Variants in GPR137C observed in about 807,000 individuals in gnomAD.
The protein encoded by GPR137C is integral membrane protein GPR137C.
A neutral mutation model predicts 43.4 loss-of-function variants in GPR137C; 27 were observed. The observed-to-expected ratio is 0.62, with a 90% CI of 0.46 to 0.86. The LOEUF is 0.86. Among genes scored for constraint, GPR137C ranks in the 40% least tolerant of loss-of-function variants. GPR137C has a pLI of 0.00. For synonymous variants in GPR137C, 285 were observed against 226.9 expected, an observed-to-expected ratio of 1.26 and a Z score of -2.30; for missense variants, 522 against 534.6, an observed-to-expected ratio of 0.98 and a Z score of 0.23.
chr14:52,556,996 T>G (rs1209122590), intron 1 of GPR137C, among the ~76,000 whole-genome samples: 1 of 152,164 alleles, frequency 6.6e-6, no homozygotes, highest in Non-Finnish European at 1.5e-5. Context: ...CTCTTACATT[T>G]ATGGATGCTA....
chr14:52,627,701 G>C (rs1026175028), intron 3 of GPR137C, among the ~76,000 whole-genome samples: 2 of 152,034 alleles, frequency 1.3e-5, no homozygotes, highest in Middle Eastern at 3.4e-3. Context: ...AAAATTAGCT[G>C]GTCATGGTGG....
chr14:52,620,608 C>G (rs1594806027), intron 3 of GPR137C, among the ~76,000 whole-genome samples: 1 of 150,698 alleles, frequency 6.6e-6, no homozygotes, highest in Admixed American at 6.6e-5. Flanking sequence ...AAGACAACCC[C>G]ACCACCACCA....
At chr14:52,575,553 G>A (rs2038538042) in intron 1 of GPR137C, among the ~76,000 whole-genome samples, 3 of 152,186 alleles carry the variant, frequency 2.0e-5, no homozygotes, top group South Asian at 4.2e-4. Flanking sequence ...ATTTTCTTGG[G>A]CATGTTAATT....
In GPR137C at chr14:52,598,266, T is replaced by G; in HGVS notation, c.445-6T>G. 1 of 1,300,202 alleles carries G rather than the reference T, an allele frequency of 7.7e-7. No homozygotes were observed. Among genetic ancestry groups the G allele is most frequent in the Non-Finnish European group, 1.1e-6 (1 of 944,838 alleles). 80.5% of individuals were successfully genotyped at this position (1,300,202 alleles called of 1,614,324 possible). The stretch of plus-strand genomic sequence containing the variant: ...TCAAAATTTTTTTTTTATATTCTCT[T>G]TATAGGTTATATGTAAAGTCAGATG... On this transcript the variant is annotated splice_region_variant and splice_polypyrimidine_tract_variant and intron_variant, in intron 1 of 6. Coordinates refer to ENST00000321662, the MANE Select transcript of GPR137C (RefSeq NM_001099652.2).
intron 1 of GPR137C, 89 bp from the exon 2 acceptor site, chr14:52,598,183 T>C: frequency 2.0e-6 from 1 of 505,010 alleles, no homozygotes. Context: ...TTATTTATAG[T>C]GGTAGCACTT....
chr14:52,628,440 G>T (rs1446406322), intron 3 of GPR137C, among the ~76,000 whole-genome samples: 55 of 152,122 alleles, frequency 3.6e-4, no homozygotes, highest in Non-Finnish European at 5.9e-5. Flanking sequence ...ATTTCTTAGA[G>T]GGGCAATAAA....
At chr14:52,577,516 G>GCGCGCACACACA (rs369713179) in intron 1 of GPR137C, among the ~76,000 whole-genome samples, 9 of 145,408 alleles carry the variant, frequency 6.2e-5, no homozygotes, top group South Asian at 4.4e-4. Flanking sequence ...GCGCGCGCGC[G>GCGCGCACACACA]CACACACACA....
chr14:52,620,846 G>T (rs541385148), intron 3 of GPR137C, among the ~76,000 whole-genome samples: 15 of 152,010 alleles, frequency 9.9e-5, no homozygotes, highest in African/African-American at 3.6e-4. Flanking sequence ...TTCACTTAAA[G>T]ATAAATCAAT....
At chr14:52,610,706 G>T (rs1257213393) in intron 3 of GPR137C, among the ~76,000 whole-genome samples, 1 of 152,166 alleles carries the variant, frequency 6.6e-6, no homozygotes, top group Non-Finnish European at 1.5e-5. Flanking sequence ...GTAAATATTT[G>T]TTGAATAAAT....
intron 1 of GPR137C, among the ~76,000 whole-genome samples, chr14:52,579,517 A>T (rs186297068): frequency 2.0e-5 from 3 of 152,288 alleles, no homozygotes; most frequent in Admixed American, 6.5e-5. Context: ...TCTCACTACT[A>T]GCTTGGGATT....
intron 3 of GPR137C, among the ~76,000 whole-genome samples, chr14:52,617,066 C>T (rs1397269311): frequency 6.6e-6 from 1 of 152,132 alleles, no homozygotes; most frequent in East Asian, 1.9e-4. Context: ...TCCTTCTTTC[C>T]TCTGGCTGCT....
chr14:52,569,903 C>T (rs372020107), intron 1 of GPR137C, among the ~76,000 whole-genome samples: 10 of 151,924 alleles, frequency 6.6e-5, no homozygotes, highest in African/African-American at 2.4e-4. Flanking sequence ...GGATATTATC[C>T]TGAAGTGGGA....
chr14:52,616,271 A>G (rs2039097741), intron 3 of GPR137C, among the ~76,000 whole-genome samples: 1 of 151,642 alleles, frequency 6.6e-6, no homozygotes. Flanking sequence ...AAATTCACAC[A>G]TATGTTCTCT....
chr14:52,632,552 C>T (rs2039307614), intron 4 of GPR137C, among the ~76,000 whole-genome samples: 1 of 151,890 alleles, frequency 6.6e-6, no homozygotes, highest in Non-Finnish European at 1.5e-5. Flanking sequence ...AATAATAGTG[C>T]CACAAGCCTC....
At chr14:52,598,236 C>G (rs780446453) in intron 1 of GPR137C, 36 bp from the exon 2 acceptor site, 6 of 831,400 alleles carry the variant, frequency 7.2e-6, no homozygotes, top group Non-Finnish European at 1.1e-5. Context: ...CTATATTACA[C>G]GTTTTCAAAA....
intron 1 of GPR137C, among the ~76,000 whole-genome samples, chr14:52,553,998 T>G (rs1306120443): frequency 6.6e-6 from 1 of 152,204 alleles, no homozygotes; most frequent in Non-Finnish European, 1.5e-5. Flanking sequence ...TAGCAGCAGC[T>G]CTGCTGAAGC....
intron 1 of GPR137C, among the ~76,000 whole-genome samples, chr14:52,570,517 G>A (rs1379824841): frequency 6.6e-6 from 1 of 151,998 alleles, no homozygotes; most frequent in Admixed American, 6.6e-5. Flanking sequence ...AAATGTAAAC[G>A]GGCTAAATTA....
At chr14:52,593,533 T>C (rs551423444) in intron 1 of GPR137C, among the ~76,000 whole-genome samples, 1 of 152,370 alleles carries the variant, frequency 6.6e-6, no homozygotes, top group African/African-American at 2.4e-5. Context: ...ATTCAGAGAT[T>C]CAACTTCTTC....
chr14:52,596,465 C>T (rs560571057), intron 1 of GPR137C, among the ~76,000 whole-genome samples: 88 of 152,372 alleles, frequency 5.8e-4, no homozygotes, highest in Middle Eastern at 3.4e-3. Flanking sequence ...TGCTGAGCTG[C>T]GGTGGGCTCT....
Sources: gnomAD v4.1 joint callset for allele counts (sites outside exome capture counted in the v4.1 genomes callset) on GRCh38, gnomAD v4.1.1 for gene constraint, MANE v1.5 for transcripts, NCBI Gene and HGNC (gene_info 2026-07-23, HGNC 2026-07-21) for gene names.